CAMK1D: variants seen among roughly 807,000 people sequenced by gnomAD.
The protein encoded by CAMK1D is calcium/calmodulin dependent protein kinase ID, also known as calcium/calmodulin-dependent protein kinase type 1D.
In CAMK1D, 9 loss-of-function variants were observed where a neutral mutation model predicts 47.7. That is an observed-to-expected ratio of 0.19 (90% CI 0.11 to 0.33). The LOEUF (loss-of-function observed/expected upper bound fraction) is 0.33, where lower values mean the gene tolerates loss of function less well. CAMK1D is among the 10% of genes least tolerant of loss of function. The probability of loss-of-function intolerance (pLI) is 1.00; values close to 1 mark genes in which losing one functional copy is unlikely to be tolerated. For missense variants in CAMK1D, 291 were observed against 488.7 expected (o/e 0.60, Z 3.81); for synonymous variants, 184 against 184.9 (o/e 0.99, Z 0.04).
intron 2 of CAMK1D, among the ~76,000 whole-genome samples, chr10:12,610,849 C>A (rs1838596960): frequency 1.3e-5 from 2 of 152,168 alleles, no homozygotes; most frequent in Non-Finnish European, 2.9e-5. Context: ...GGTTTCTATT[C>A]AAGATTATGT....
chr10:12,673,118 C>T (rs1840684071), intron 3 of CAMK1D, among the ~76,000 whole-genome samples: 1 of 151,958 alleles, frequency 6.6e-6, no homozygotes, highest in Non-Finnish European at 1.5e-5. Flanking sequence ...TGCCTGAGCT[C>T]AGGCAATCCT....
intron 1 of CAMK1D, among the ~76,000 whole-genome samples, chr10:12,356,554 C>T (rs999784749): frequency 6.6e-6 from 1 of 151,980 alleles, no homozygotes; most frequent in Non-Finnish European, 1.5e-5. Flanking sequence ...AACCTCGTCT[C>T]TACTAAAAAT....
intron 1 of CAMK1D, among the ~76,000 whole-genome samples, chr10:12,474,555 C>T (rs1444117688): frequency 2.0e-5 from 3 of 151,582 alleles, no homozygotes; most frequent in African/African-American, 7.3e-5. Context: ...TAAACTTTAC[C>T]ATTTTTAACC....
chr10:12,554,364 A>G lies in CAMK1D; in HGVS notation c.224+1008A>G, dbSNP rs1358555217. Among the ~76,000 whole-genome samples, 11 of 130,958 alleles carry G rather than the reference A, an allele frequency of 8.4e-5. 2 individuals are homozygous for G. The highest frequency in any genetic ancestry group is 1.4e-4 in the Non-Finnish European group (8 of 55,978). The allele number at this position is 130,958 out of a possible 152,430, so 85.9% of individuals were successfully genotyped here. ...GAGATGAGGTTTCTCCATGTTGGCC[A>G]GGCTGGTCTTGAACTCCTGACCTCA... On this transcript the variant is annotated intron_variant, in intron 2 of 10. Coordinates refer to ENST00000619168, the MANE Select transcript of CAMK1D (RefSeq NM_153498.4).
At chr10:12,529,422 C>T (rs371191934) in intron 1 of CAMK1D, among the ~76,000 whole-genome samples, 1 of 152,272 alleles carries the variant, frequency 6.6e-6, no homozygotes, top group East Asian at 1.9e-4. Flanking sequence ...GTGTCTCGTC[C>T]ACATTGGTAC....
intron 6 of CAMK1D, among the ~76,000 whole-genome samples, chr10:12,808,056 G>T (rs2493758): frequency 1.3e-5 from 2 of 152,194 alleles, no homozygotes; most frequent in Non-Finnish European, 2.9e-5. Context: ...CTTCCATGCT[G>T]GAATAAACTG....
chr10:12,384,328 G>T (rs1247843570), intron 1 of CAMK1D, among the ~76,000 whole-genome samples: 6 of 152,096 alleles, frequency 3.9e-5, no homozygotes, highest in African/African-American at 7.2e-5. Flanking sequence ...ATCCCAGCTT[G>T]CCCTTTCTGC....
At chr10:12,659,473 A>G (rs1388883225) in intron 2 of CAMK1D, among the ~76,000 whole-genome samples, 1 of 152,204 alleles carries the variant, frequency 6.6e-6, no homozygotes, top group African/African-American at 2.4e-5. Context: ...ACACCTGCCA[A>G]TGTGCCTGTT....
intron 5 of CAMK1D, among the ~76,000 whole-genome samples, chr10:12,782,970 C>A (rs1403373800): frequency 6.7e-6 from 1 of 150,078 alleles, no homozygotes; most frequent in Non-Finnish European, 1.5e-5. Context: ...AGAGTAAATT[C>A]AGTATTTTCA....
intron 1 of CAMK1D, among the ~76,000 whole-genome samples, chr10:12,468,535 C>T (rs1271534672): frequency 2.0e-5 from 3 of 152,122 alleles, no homozygotes; most frequent in African/African-American, 7.2e-5. Context: ...TTGGGGGTGT[C>T]CCTAGTAGGG....
intron 3 of CAMK1D, among the ~76,000 whole-genome samples, chr10:12,685,750 C>T (rs922327345): frequency 1.3e-5 from 2 of 152,138 alleles, no homozygotes; most frequent in Admixed American, 6.5e-5. Flanking sequence ...ATGGCATTTT[C>T]GAGTGGAAAC....
intron 2 of CAMK1D, among the ~76,000 whole-genome samples, chr10:12,555,929 G>A (rs1291355047): frequency 6.6e-6 from 1 of 152,194 alleles, no homozygotes; most frequent in Admixed American, 6.5e-5. Flanking sequence ...TGCTTTAATT[G>A]TCTTCACCCT....
At chr10:12,399,681 T>G (rs1457152248) in intron 1 of CAMK1D, among the ~76,000 whole-genome samples, 3 of 152,218 alleles carry the variant, frequency 2.0e-5, no homozygotes, top group Non-Finnish European at 2.9e-5. Flanking sequence ...ACAGTTTTTG[T>G]GGATTCTGTA....
chr10:12,735,544 C>T (rs955680698), intron 3 of CAMK1D, among the ~76,000 whole-genome samples: 40 of 152,188 alleles, frequency 2.6e-4, no homozygotes, highest in African/African-American at 7.2e-4. Context: ...GGCGAACCTT[C>T]GGTCTCTTCG....
At chr10:12,734,345 AATATATATATATATAT>A (rs1212612487) in intron 3 of CAMK1D, among the ~76,000 whole-genome samples, 5 of 8,478 alleles carry the variant, frequency 5.9e-4, no homozygotes, top group Admixed American at 5.2e-3. Flanking sequence ...AAAAAAAAAA[AATATATATATATATAT>A]ATATATATAT....
intron 1 of CAMK1D, among the ~76,000 whole-genome samples, chr10:12,378,178 G>T (rs796257524): frequency 6.6e-6 from 1 of 152,360 alleles, no homozygotes; most frequent in African/African-American, 2.4e-5. Context: ...AGGGGCCCAT[G>T]TGCAAAGGGC....
intron 1 of CAMK1D, among the ~76,000 whole-genome samples, chr10:12,386,026 G>A (rs952798526): frequency 3.3e-5 from 5 of 152,160 alleles, no homozygotes; most frequent in African/African-American, 4.8e-5. Context: ...GATTACAGGC[G>A]TGAGCCACTG....
At chr10:12,625,336 CAAA>C (rs869128579) in intron 2 of CAMK1D, among the ~76,000 whole-genome samples, 2,491 of 42,328 alleles carry the variant, frequency 0.059, 50 homozygotes, top group East Asian at 0.16. Context: ...ACTCCATGTA[CAAA>C]AAAAAAAAAA....
In CAMK1D at chr10:12,658,926, C is replaced by A. The variant is rs941664257; in HGVS notation, c.225-7810C>A. Among the ~76,000 whole-genome samples the A allele has an allele frequency of 8.5e-5, 13 of 152,286 alleles. No homozygotes were observed. The East Asian group carries it at 1.2e-3, about 14-fold the overall frequency. Reference sequence around the variant, plus strand: ...GCAAGAACCCCAGGATACAGAAAGCCCTCTGTCCTTGTGATAAGGCAGAGG... The same window carrying A: ...GCAAGAACCCCAGGATACAGAAAGCACTCTGTCCTTGTGATAAGGCAGAGG... On this transcript the variant is annotated intron_variant, in intron 2 of 10. Transcript: ENST00000619168.
Sources: allele counts gnomAD v4.1 joint callset (sites outside exome capture counted in the v4.1 genomes callset), GRCh38; gene constraint gnomAD v4.1.1; transcripts MANE v1.5; gene names NCBI Gene and HGNC (gene_info 2026-07-23, HGNC 2026-07-21).